Variants in BDKRB2 observed in about 807,000 individuals in gnomAD.
BDKRB2 encodes bradykinin receptor B2, also known as B2 bradykinin receptor.
BDKRB2 carries 6 observed loss-of-function variants against 4.0 expected under a neutral mutation model. The ratio of observed to expected loss-of-function variants is 1.49; its 90% CI spans 0.81 to 2.93. BDKRB2 has a LOEUF of 2.93. Ranked by LOEUF, BDKRB2 falls within the 30% of genes most tolerant of loss-of-function variation. The pLI is 0.00. For missense variants in BDKRB2, 478 were observed against 520.1 expected (o/e 0.92, Z 0.79); for synonymous variants, 225 against 215.3 (o/e 1.05, Z -0.40).
At chr14:96,238,982 G>A in intron 2 of BDKRB2, 1 of 985,514 alleles carries the variant, frequency 1.0e-6, no homozygotes, top group South Asian at 4.7e-5. Flanking sequence ...TTGATTTGTG[G>A]GTCCCCCAGT....
At position 96,243,029 on chromosome 14, in the gene BDKRB2, A is replaced by AGGCTAGAACCAAGAAG. The variant is rs1885337923; in HGVS notation, c.*1536_*1551dup. On this transcript the variant is annotated 3_prime_UTR_variant, in exon 3 of 3. Coordinates refer to ENST00000554311, the MANE Select transcript of BDKRB2 (RefSeq NM_001379692.1). ...AGAACCTGGAGGGCTAGAACTGGAGAGGCTAGAACCAAGAAGGGCTAGAAC... is the reference window on the plus strand; with the variant it reads ...AGAACCTGGAGGGCTAGAACTGGAGAGGCTAGAACCAAGAAGGGCTAGAACCAAGAAGGGCTAGAAC... The AGGCTAGAACCAAGAAG allele has an allele frequency of 8.0e-6, 1 of 125,692 alleles. No individual in the cohort carries two copies. The highest frequency in any genetic ancestry group is 1.7e-5 in the Non-Finnish European group (1 of 59,274). 7.8% of individuals were successfully genotyped at this position (125,692 alleles called of 1,614,324 possible).
intron 1 of BDKRB2, among the ~76,000 whole-genome samples, chr14:96,224,388 T>A (rs563443332): frequency 6.6e-6 from 1 of 152,346 alleles, no homozygotes; most frequent in African/African-American, 2.4e-5. Context: ...TGTTTGCTCG[T>A]CTGCAAAATG....
chr14:96,208,811 C>A (rs545481174), intron 1 of BDKRB2, among the ~76,000 whole-genome samples: 294 of 152,228 alleles, frequency 1.9e-3, no homozygotes, highest in Non-Finnish European at 3.8e-3. Flanking sequence ...TCCGGCCTGT[C>A]CCATCCCATT....
At chr14:96,220,752 G>A (rs905423629) in intron 1 of BDKRB2, among the ~76,000 whole-genome samples, 20 of 151,814 alleles carry the variant, frequency 1.3e-4, no homozygotes, top group African/African-American at 4.1e-4. Context: ...TTTGCCAACT[G>A]CCCCCCACCT....
At chr14:96,211,072 A>C (rs1465262973) in intron 1 of BDKRB2, 9 of 152,268 alleles carry the variant, frequency 5.9e-5, no homozygotes, top group Non-Finnish European at 1.0e-4. Flanking sequence ...CAGATTGTTA[A>C]ATGCACACAG....
At chr14:96,236,307 C>G (rs1890933019) in intron 1 of BDKRB2, among the ~76,000 whole-genome samples, 1 of 152,190 alleles carries the variant, frequency 6.6e-6, no homozygotes, top group Non-Finnish European at 1.5e-5. Flanking sequence ...GCTCCAGACC[C>G]TGCTGGACCC....
At chr14:96,216,645 A>G (rs1890422636) in intron 1 of BDKRB2, among the ~76,000 whole-genome samples, 1 of 147,340 alleles carries the variant, frequency 6.8e-6, no homozygotes, top group Admixed American at 6.8e-5. Flanking sequence ...AGAAGAGAGA[A>G]GAGGAAGAAA....
At position 96,241,765 on chromosome 14, in the gene BDKRB2, G is replaced by GAT; in HGVS notation, c.*261_*262insAT. 8 of 379,244 alleles carry GAT rather than the reference G, an allele frequency of 2.1e-5. No individual in the cohort carries two copies. Among genetic ancestry groups the GAT allele is most frequent in the South Asian group, 9.4e-5 (1 of 10,692 alleles). 23.5% of individuals were successfully genotyped at this position (379,244 alleles called of 1,614,324 possible). On this transcript the variant is annotated 3_prime_UTR_variant, in exon 3 of 3. Transcript: ENST00000554311. ...TGTTCTTATTTGCTGCCACACCTGA[G>GAT]CCAGCCTGCTCCTTCCCAGGAGTGG...
At chr14:96,219,165 G>A (rs1890496892) in intron 1 of BDKRB2, among the ~76,000 whole-genome samples, 1 of 151,710 alleles carries the variant, frequency 6.6e-6, no homozygotes, top group South Asian at 2.1e-4. Flanking sequence ...AGCAGGGCGT[G>A]GTAGCATGCT....
chr14:96,237,761 C>T (rs1206166196), intron 2 of BDKRB2: 1 of 1,289,762 alleles, frequency 7.8e-7, no homozygotes, highest in African/African-American at 1.5e-5. Context: ...TCAGCTGGGG[C>T]CACAGTGCAC....
In BDKRB2 at chr14:96,240,954, C is replaced by T. The variant is rs200062156; in HGVS notation, c.626C>T (p.Thr209Ile). Residue 209 changes from threonine (T) to isoleucine (I), a missense_variant, in exon 3 of 3, where the codon ACC (threonine) becomes ATC (isoleucine). Coordinates refer to ENST00000554311, the MANE Select transcript of BDKRB2 (RefSeq NM_001379692.1). ...TACAGCGATGAGGGCCACAACGTCA[C>T]CGCTTGTGTCATCAGCTACCCATCC... ...KEYSDEGHNV[T>I]ACVISYPSLI... 3.8e-6 allele frequency: 6 copies of T among 1,592,454 alleles called. No homozygotes were observed. The highest frequency in any genetic ancestry group is 1.3e-5 in the African/African-American group (1 of 74,682).
chr14:96,241,711 C>A lies in BDKRB2; in HGVS notation c.*207C>A. 3 of 717,856 alleles carry A rather than the reference C, an allele frequency of 4.2e-6. No individual in the cohort carries two copies. Among genetic ancestry groups the A allele is most frequent in the Non-Finnish European group, 6.1e-6 (3 of 490,584 alleles). The allele number at this position is 717,856 out of a possible 1,614,324, so 44.5% of individuals were successfully genotyped here. On this transcript the variant is annotated 3_prime_UTR_variant, in exon 3 of 3. Coordinates refer to ENST00000554311, the MANE Select transcript of BDKRB2 (RefSeq NM_001379692.1). ...AGGATGGGGTGAACTCACGCACAGC[C>A]AAGGACTCCAAAATCACAACAGCAT...
chr14:96,214,960 G>A (rs548645648), intron 1 of BDKRB2: 1 of 148,404 alleles, frequency 6.7e-6, no homozygotes. Flanking sequence ...GGCAGCTGTA[G>A]ACCTAAGAGA....
chr14:96,234,655 C>G (rs1319092918), intron 1 of BDKRB2, among the ~76,000 whole-genome samples: 1 of 152,176 alleles, frequency 6.6e-6, no homozygotes. Flanking sequence ...ACCCGCCTGC[C>G]CTCTGGACTT....
chr14:96,239,154 C>T (rs1247155108), intron 2 of BDKRB2: 5 of 985,554 alleles, frequency 5.1e-6, no homozygotes, highest in Non-Finnish European at 6.0e-6. Flanking sequence ...TTTTCCTTCT[C>T]TCACCCACAG....
intron 1 of BDKRB2, among the ~76,000 whole-genome samples, chr14:96,217,644 G>A (rs953428273): frequency 6.6e-6 from 1 of 152,222 alleles, no homozygotes; most frequent in Non-Finnish European, 1.5e-5. Context: ...CAGGTTCAGA[G>A]AGGTGAAGTG....
At position 96,237,122 on chromosome 14, in the gene BDKRB2, G is replaced by T. The variant is rs777673155; in HGVS notation, c.15G>T (p.Trp5Cys). The T allele has an allele frequency of 6.2e-6, 10 of 1,614,042 alleles. No homozygotes were observed. The highest frequency in any genetic ancestry group is 8.5e-6 in the Non-Finnish European group (10 of 1,179,904). ...TCTGAGTCCAAATGTTCTCTCCCTG[G>T]AAGATATCAATGTTTCTGTCTGTTC... Reference protein sequence around the residue: MFSPWKISMFLSVRE... With the variant: MFSPCKISMFLSVRE... Residue 5 changes from tryptophan (W) to cysteine (C), a missense_variant, in exon 2 of 3, where the codon TGG becomes TGT. Coordinates refer to ENST00000554311, the MANE Select transcript of BDKRB2 (RefSeq NM_001379692.1).
intron 1 of BDKRB2, among the ~76,000 whole-genome samples, chr14:96,222,112 G>T (rs1162130774): frequency 6.6e-6 from 1 of 152,022 alleles, no homozygotes; most frequent in Non-Finnish European, 1.5e-5. Context: ...TAATTTGCTA[G>T]GATGGCTCAC....
chr14:96,239,739 G>T, intron 2 of BDKRB2: 1 of 967,198 alleles, frequency 1.0e-6, no homozygotes, highest in Non-Finnish European at 1.2e-6. Flanking sequence ...CTTCCCCAGC[G>T]TCACACGGCT....
Sources: allele counts gnomAD v4.1 joint callset (sites outside exome capture counted in the v4.1 genomes callset), GRCh38; gene constraint gnomAD v4.1.1; transcripts MANE v1.5; gene names NCBI Gene and HGNC (gene_info 2026-07-23, HGNC 2026-07-21).